The following VAT1L variants were observed in gnomAD, a reference collection of about 807,000 sequenced individuals.
The protein encoded by VAT1L is putative NADPH-dependent quinone oxidoreductase VAT1L.
In VAT1L, 34 loss-of-function variants were observed where a neutral mutation model predicts 44.1. The ratio of observed to expected loss-of-function variants is 0.77; its 90% CI spans 0.59 to 1.03. The LOEUF (loss-of-function observed/expected upper bound fraction) is 1.03. Ranked by LOEUF, VAT1L falls within the 50% of genes least tolerant of loss-of-function variation. VAT1L has a pLI of 0.00. For missense variants in VAT1L, 615 were observed against 538.8 expected, an observed-to-expected ratio of 1.14 and a Z score of -1.40; for synonymous variants, 253 against 202.2, an observed-to-expected ratio of 1.25 and a Z score of -2.13.
At chr16:77,957,952 G>A (rs934979256) in intron 7 of VAT1L, among the ~76,000 whole-genome samples, 1 of 151,996 alleles carries the variant, frequency 6.6e-6, no homozygotes, top group Admixed American at 6.6e-5. Flanking sequence ...CTGTCACCCA[G>A]CCTGGAGTAC....
chr16:77,938,351 C>A (rs117570493), intron 7 of VAT1L, among the ~76,000 whole-genome samples: 2 of 152,130 alleles, frequency 1.3e-5, no homozygotes, highest in South Asian at 4.1e-4. Flanking sequence ...CAAAACTGAA[C>A]GCTCTGTCAA....
intron 3 of VAT1L, among the ~76,000 whole-genome samples, chr16:77,858,527 C>T (rs569253603): frequency 1.6e-4 from 25 of 152,278 alleles, no homozygotes; most frequent in Admixed American, 5.9e-4. Flanking sequence ...ATCACGTAAT[C>T]TCACAGTAAA....
chr16:77,797,116 CTT>C (rs397854984), intron 1 of VAT1L, among the ~76,000 whole-genome samples: 4 of 145,538 alleles, frequency 2.7e-5, no homozygotes, highest in African/African-American at 2.5e-5. Context: ...ACCCTTAAAT[CTT>C]TTTTTTTTTT....
chr16:77,894,804 T>C (rs1438627684), intron 7 of VAT1L, among the ~76,000 whole-genome samples: 4 of 151,988 alleles, frequency 2.6e-5, no homozygotes, highest in African/African-American at 4.8e-5. Context: ...AAGGGAGAGA[T>C]TGAAGGGCTG....
chr16:77,903,767 T>G (rs1367558056), intron 7 of VAT1L, among the ~76,000 whole-genome samples: 1 of 150,318 alleles, frequency 6.7e-6, no homozygotes, highest in African/African-American at 2.5e-5. Context: ...GACAGAGTCT[T>G]ATTCTGTCAC....
chr16:77,959,026 G>A (rs2018134124), intron 7 of VAT1L, among the ~76,000 whole-genome samples: 1 of 152,102 alleles, frequency 6.6e-6, no homozygotes, highest in African/African-American at 2.4e-5. Flanking sequence ...AGACAGCTAG[G>A]GTATAAAATG....
chr16:77,789,638 C>A lies in VAT1L; in HGVS notation c.233+723C>A, dbSNP rs1204785853. On this transcript the variant is annotated intron_variant, in intron 1 of 8. Transcript: ENST00000302536. ...ACCCAGGCTTGGTGAGGGTGGAGAC[C>A]AGGGCTGCAGCGCAACCCCCTCCAT... is the stretch of plus-strand genomic sequence containing the variant. Among the ~76,000 whole-genome samples, 8 of 152,172 alleles carry A rather than the reference C, an allele frequency of 5.3e-5. 1 individual carries two copies. The highest frequency in any genetic ancestry group is 1.9e-4 in the African/African-American group (8 of 41,520).
intron 3 of VAT1L, among the ~76,000 whole-genome samples, chr16:77,846,486 G>C (rs2016759328): frequency 6.6e-6 from 1 of 152,148 alleles, no homozygotes; most frequent in Non-Finnish European, 1.5e-5. Flanking sequence ...ATCTTCTAAA[G>C]AGATAACCAG....
intron 7 of VAT1L, among the ~76,000 whole-genome samples, chr16:77,926,643 G>A (rs781582193): frequency 6.6e-6 from 1 of 152,120 alleles, no homozygotes; most frequent in Non-Finnish European, 1.5e-5. Context: ...GGACATGGAA[G>A]TGTGGCCAGG....
intron 3 of VAT1L, among the ~76,000 whole-genome samples, chr16:77,826,757 A>G (rs984474743): frequency 6.6e-6 from 1 of 152,234 alleles, no homozygotes; most frequent in Non-Finnish European, 1.5e-5. Flanking sequence ...AGTTCAAAAC[A>G]TATTAATTAA....
At chr16:77,829,868 T>TA (rs2145250483) in intron 3 of VAT1L, among the ~76,000 whole-genome samples, 1 of 152,350 alleles carries the variant, frequency 6.6e-6, no homozygotes, top group Admixed American at 6.5e-5. Context: ...AGAGTCCTCT[T>TA]ACCTTTATCA....
At chr16:77,789,478 A>T (rs967537699) in intron 1 of VAT1L, among the ~76,000 whole-genome samples, 10 of 152,194 alleles carry the variant, frequency 6.6e-5, no homozygotes, top group African/African-American at 2.4e-4. Flanking sequence ...TTGATACATG[A>T]TCTTTTTTCA....
At chr16:77,892,260 G>C (rs2017274699) in intron 7 of VAT1L, among the ~76,000 whole-genome samples, 1 of 152,212 alleles carries the variant, frequency 6.6e-6, no homozygotes, top group African/African-American at 2.4e-5. Context: ...AGGAGGCAAA[G>C]ACTCAAGGAG....
intron 7 of VAT1L, among the ~76,000 whole-genome samples, chr16:77,922,142 T>G (rs190032332): frequency 7.2e-5 from 11 of 152,230 alleles, no homozygotes; most frequent in Middle Eastern, 3.4e-3. Flanking sequence ...TTTTATTTCA[T>G]AAATGAAGAA....
chr16:77,946,805 G>C (rs1407515810), intron 7 of VAT1L, among the ~76,000 whole-genome samples: 1 of 152,136 alleles, frequency 6.6e-6, no homozygotes, highest in Non-Finnish European at 1.5e-5. Flanking sequence ...TAGAGGACCT[G>C]ACTACTGTTC....
At chr16:77,819,512 G>C (rs981385610) in intron 2 of VAT1L, among the ~76,000 whole-genome samples, 3 of 151,994 alleles carry the variant, frequency 2.0e-5, no homozygotes, top group African/African-American at 7.3e-5. Flanking sequence ...CTCCTGAGTA[G>C]CTGGGATTAT....
intron 3 of VAT1L, among the ~76,000 whole-genome samples, chr16:77,827,771 A>G (rs1316880649): frequency 1.3e-5 from 2 of 151,838 alleles, no homozygotes. Context: ...GGACCAGAGG[A>G]CTCTTTCTTT....
chr16:77,947,617 G>T (rs2017984949), intron 7 of VAT1L, among the ~76,000 whole-genome samples: 1 of 152,128 alleles, frequency 6.6e-6, no homozygotes, highest in African/African-American at 2.4e-5. Flanking sequence ...CAGCTGACCT[G>T]GCCCAGCACA....
chr16:77,964,526 T>C (rs888211202), intron 7 of VAT1L, among the ~76,000 whole-genome samples: 24 of 152,242 alleles, frequency 1.6e-4, no homozygotes, highest in African/African-American at 5.8e-4. Flanking sequence ...ATCGTTGTGG[T>C]TCCATGGGGC....
Sources: allele counts gnomAD v4.1 joint callset (sites outside exome capture counted in the v4.1 genomes callset), GRCh38; gene constraint gnomAD v4.1.1; transcripts MANE v1.5; gene names NCBI Gene and HGNC (gene_info 2026-07-23, HGNC 2026-07-21).